The following CTCF variants were observed in gnomAD, a reference collection of about 807,000 sequenced individuals.
CTCF encodes transcriptional repressor CTCF.
CTCF carries 7 observed loss-of-function variants against 72.3 expected under a neutral mutation model. The ratio of observed to expected loss-of-function variants is 0.10; its 90% CI spans 0.06 to 0.18. The LOEUF is 0.18. Ranked by LOEUF, CTCF falls within the 10% of genes least tolerant of loss-of-function variation. The pLI is 1.00. For synonymous variants in CTCF, 374 were observed against 315.8 expected (o/e 1.18, Z -1.95); for missense variants, 516 against 949.1 (o/e 0.54, Z 6.00).
chr16:67,571,313 C>T (rs1425667439), intron 2 of CTCF, 49 bp downstream of exon 2: 3 of 152,508 alleles, frequency 2.0e-5, no homozygotes, highest in South Asian at 2.1e-4. Context: ...AGTAATATAA[C>T]CCTCCTGGAG....
chr16:67,624,069 ATATGTGTGTGTGTG>A (rs1348116038), intron 7 of CTCF, among the ~76,000 whole-genome samples: 17 of 91,502 alleles, frequency 1.9e-4, no homozygotes, highest in Middle Eastern at 5.3e-3. Flanking sequence ...AAAAAATTAT[ATATGTGTGTGTGTG>A]TGTGTGTGTG....
intron 2 of CTCF, among the ~76,000 whole-genome samples, chr16:67,605,933 A>T (rs774812406): frequency 1.3e-5 from 2 of 152,228 alleles, no homozygotes; most frequent in Non-Finnish European, 2.9e-5. Context: ...GGGGTCAGGT[A>T]CGAAGGGGCT....
At chr16:67,625,359 C>T (rs2052269301) in intron 7 of CTCF, among the ~76,000 whole-genome samples, 1 of 152,024 alleles carries the variant, frequency 6.6e-6, no homozygotes, top group African/African-American at 2.4e-5. Context: ...CCACCACGCC[C>T]AGCTAATTTT....
chr16:67,563,986 T>C (rs2051311925), intron 1 of CTCF: 1 of 152,208 alleles, frequency 6.6e-6, no homozygotes, highest in African/African-American at 2.4e-5. Context: ...CTGCAGATGG[T>C]TTATAAATAT....
intron 2 of CTCF, among the ~76,000 whole-genome samples, chr16:67,610,194 C>T (rs2052041067): frequency 6.6e-6 from 1 of 152,066 alleles, no homozygotes; most frequent in South Asian, 2.1e-4. Flanking sequence ...GTGTTTCCCT[C>T]GGTATGGATT....
chr16:67,584,679 C>G (rs542055828), intron 2 of CTCF, among the ~76,000 whole-genome samples: 61 of 151,842 alleles, frequency 4.0e-4, no homozygotes, highest in Middle Eastern at 3.4e-3. Flanking sequence ...CCCTTCTTAC[C>G]TATAAGTATT....
intron 2 of CTCF, among the ~76,000 whole-genome samples, chr16:67,609,169 C>T (rs2052022066): frequency 6.6e-6 from 1 of 152,138 alleles, no homozygotes; most frequent in Admixed American, 6.6e-5. Context: ...GAGTTCAAGG[C>T]CAGTCTGGAA....
chr16:67,608,296 C>T (rs547250592), intron 2 of CTCF, among the ~76,000 whole-genome samples: 3 of 151,416 alleles, frequency 2.0e-5, no homozygotes, highest in Non-Finnish European at 2.9e-5. Context: ...TGCACCCTAG[C>T]CTGGGCAACA....
At chr16:67,597,582 C>A (rs1262547744) in intron 2 of CTCF, among the ~76,000 whole-genome samples, 1 of 152,132 alleles carries the variant, frequency 6.6e-6, no homozygotes, top group Admixed American at 6.5e-5. Flanking sequence ...TATTATCCAC[C>A]CGCCTTGGCC....
In CTCF at chr16:67,629,433, C is replaced by G. The variant is rs2052333129; in HGVS notation, c.1737C>G (p.Gly579=). The G allele has an allele frequency of 6.2e-7, 1 of 1,608,278 alleles. No individual in the cohort carries two copies. The highest frequency in any genetic ancestry group is 8.5e-7 in the Non-Finnish European group (1 of 1,177,228). ...TMARHADNCA[G]PDGVEGENGG... is the part of the protein sequence containing the mutation. ...CAAGACATGCTGATAATTGTGCTGG[C>G]CCAGATGGCGTAGAGGGGGAAAATG... is the stretch of plus-strand genomic sequence containing the variant. Residue 579 remains glycine (G), a synonymous_variant, in exon 10 of 12, where the codon GGC becomes GGG. Coordinates refer to ENST00000264010, the MANE Select transcript of CTCF (RefSeq NM_006565.4).
chr16:67,619,501 G>GTTTT (rs1187602223), intron 5 of CTCF, among the ~76,000 whole-genome samples: 1 of 151,992 alleles, frequency 6.6e-6, no homozygotes, highest in African/African-American at 2.4e-5. Flanking sequence ...TTGTTTGTTT[G>GTTTT]TTTCCTTAAA....
At chr16:67,576,140 TAAA>T (rs561098313) in intron 2 of CTCF, among the ~76,000 whole-genome samples, 5 of 91,898 alleles carry the variant, frequency 5.4e-5, no homozygotes, top group Non-Finnish European at 6.6e-5. Context: ...GACCCTGTCT[TAAA>T]AAAAAAAAAA....
At chr16:67,595,916 C>G (rs943269613) in intron 2 of CTCF, among the ~76,000 whole-genome samples, 2 of 152,044 alleles carry the variant, frequency 1.3e-5, no homozygotes, top group African/African-American at 4.8e-5. Context: ...GCACCAAGGA[C>G]AACATTGGGG....
In CTCF at chr16:67,629,745, C is replaced by CTTTTTTTTTTTTT. The variant is rs1567616725; in HGVS notation, c.1837+212_1837+213insTTTTTTTTTTTTT. The stretch of plus-strand genomic sequence containing the variant: ...TTCGTGGCATTCCGCTCATTAATGC[C>CTTTTTTTTTTTTT]CTTTTTTTTTTTTTTTTTTTTTTTT... On this transcript the variant is annotated intron_variant, in intron 10 of 11. Transcript: ENST00000264010. Among the ~76,000 whole-genome samples, 9 of 85,030 alleles carry CTTTTTTTTTTTTT rather than the reference C, an allele frequency of 1.1e-4. 1 individual carries two copies. Among genetic ancestry groups the CTTTTTTTTTTTTT allele is most frequent in the Non-Finnish European group, 1.6e-4 (7 of 43,566 alleles). The allele number at this position is 85,030 out of a possible 152,430, so 55.8% of individuals were successfully genotyped here. A position where few individuals can be genotyped will look rare whatever the true frequency, so the allele number is the denominator to read the frequency against.
At chr16:67,616,947 A>C in intron 5 of CTCF, 69 bp downstream of exon 5, 1 of 1,505,590 alleles carries the variant, frequency 6.6e-7, no homozygotes, top group Non-Finnish European at 9.2e-7. Context: ...CAAAGCTATA[A>C]CTACTACCCA....
intron 10 of CTCF, among the ~76,000 whole-genome samples, chr16:67,631,713 A>G (rs1170378240): frequency 9.3e-6 from 1 of 107,388 alleles, no homozygotes; most frequent in African/African-American, 3.8e-5. Flanking sequence ...CTTTTTTTAA[A>G]TGGAGTATCC....
At chr16:67,566,506 T>C (rs2051344368) in intron 1 of CTCF, among the ~76,000 whole-genome samples, 1 of 128,296 alleles carries the variant, frequency 7.8e-6, no homozygotes, top group South Asian at 2.9e-4. Flanking sequence ...TGAGACTTTG[T>C]CTCAAAATTA....
chr16:67,622,219 G>A (rs1240304623), intron 7 of CTCF, among the ~76,000 whole-genome samples: 1 of 151,990 alleles, frequency 6.6e-6, no homozygotes, highest in Non-Finnish European at 1.5e-5. Context: ...AACTGGGCAT[G>A]GTGGTGGGCG....
intron 10 of CTCF, among the ~76,000 whole-genome samples, chr16:67,631,200 T>C (rs866121111): frequency 6.7e-6 from 1 of 148,406 alleles, no homozygotes; most frequent in Admixed American, 6.7e-5. Context: ...TGTCTCCCTC[T>C]TGTTGCCCAG....
Sources: gnomAD v4.1 joint callset for allele counts (sites outside exome capture counted in the v4.1 genomes callset) on GRCh38, gnomAD v4.1.1 for gene constraint, MANE v1.5 for transcripts, NCBI Gene and HGNC (gene_info 2026-07-23, HGNC 2026-07-21) for gene names.